DPP10: variants seen among roughly 807,000 people sequenced by gnomAD.
DPP10 encodes the protein dipeptidyl peptidase like 10.
A neutral mutation model predicts 120.9 loss-of-function variants in DPP10; 33 were observed. That is an observed-to-expected ratio of 0.27 (90% CI 0.21 to 0.37). DPP10 has a LOEUF of 0.37. DPP10 is among the 10% of genes least tolerant of loss of function. The pLI is 1.00. For missense variants in DPP10, 816 were observed against 942.8 expected, an observed-to-expected ratio of 0.87 and a Z score of 1.76; for synonymous variants, 337 against 326.1, an observed-to-expected ratio of 1.03 and a Z score of -0.36.
At chr2:115,617,289 T>TATATATATATAC (rs67359999) in intron 5 of DPP10, among the ~76,000 whole-genome samples, 15,946 of 135,790 alleles carry the variant, frequency 0.12, 1,203 homozygotes, top group Non-Finnish European at 0.15. Context: ...TATATATATA[T>TATATATATATAC]ACACACATAG....
rs371654066 is a variant in DPP10, at chr2:115,016,666, AAAC to A, written c.61-292569_61-292567del. Among the ~76,000 whole-genome samples the A allele has an allele frequency of 9.7e-4, 147 of 152,186 alleles. 3 individuals carry two copies. Among genetic ancestry groups the A allele is most frequent in the African/African-American group, 3.4e-3 (141 of 41,548 alleles). ...CTCAAACAAATTTACAAGAAAAAAA[AAAC>A]AACCCATCAACAAGTGGGCAAAGGA... On this transcript the variant is annotated intron_variant, in intron 1 of 25. Transcript: ENST00000410059.
chr2:115,827,507 C>T (rs1688496923), intron 21 of DPP10, among the ~76,000 whole-genome samples: 2 of 143,848 alleles, frequency 1.4e-5, no homozygotes, highest in Admixed American at 7.0e-5. Flanking sequence ...AGTTGTCATA[C>T]ATTTTATGCT....
chr2:115,181,064 A>G (rs911093555), intron 1 of DPP10, among the ~76,000 whole-genome samples: 3 of 104,686 alleles, frequency 2.9e-5, no homozygotes, highest in African/African-American at 8.1e-5. Flanking sequence ...CTTAAAAACT[A>G]TCTTCTAATA....
At chr2:115,433,455 A>G (rs1332620984) in intron 3 of DPP10, among the ~76,000 whole-genome samples, 1 of 151,880 alleles carries the variant, frequency 6.6e-6, no homozygotes, top group East Asian at 1.9e-4. Flanking sequence ...ATACATGTAC[A>G]TGTGTGTGTG....
chr2:115,650,656 A>G (rs2087684915), intron 5 of DPP10, among the ~76,000 whole-genome samples: 7 of 151,936 alleles, frequency 4.6e-5, no homozygotes, highest in Admixed American at 4.6e-4. Context: ...GTCCTTTCAC[A>G]TGTGGTCTCT....
intron 1 of DPP10, among the ~76,000 whole-genome samples, chr2:114,802,257 G>A (rs887644375): frequency 6.6e-6 from 1 of 152,032 alleles, no homozygotes; most frequent in African/African-American, 2.4e-5. Context: ...TATAATGAGA[G>A]GGCAGGTATA....
intron 5 of DPP10, among the ~76,000 whole-genome samples, chr2:115,584,951 A>G (rs969625057): frequency 3.9e-4 from 59 of 152,342 alleles, no homozygotes; most frequent in African/African-American, 1.3e-3. Flanking sequence ...AATTTACACT[A>G]TGGGATCTGA....
At chr2:115,753,018 T>C (rs1446490) in intron 10 of DPP10, among the ~76,000 whole-genome samples, 156 bp from the exon 11 acceptor site, 33,745 of 152,072 alleles carry the variant, frequency 0.22, 4,550 homozygotes, top group Admixed American at 0.37. Flanking sequence ...AAAGAGCAGA[T>C]ATCTATTTAT....
chr2:115,060,188 G>A (rs1483505586), intron 1 of DPP10, among the ~76,000 whole-genome samples: 2 of 149,394 alleles, frequency 1.3e-5, no homozygotes, highest in African/African-American at 4.9e-5. Flanking sequence ...ATAGAGGTAG[G>A]TGATAAAGAA....
intron 5 of DPP10, among the ~76,000 whole-genome samples, chr2:115,539,108 A>G (rs964553468): frequency 6.6e-6 from 1 of 151,918 alleles, no homozygotes; most frequent in African/African-American, 2.4e-5. Flanking sequence ...TCAGTGTTCT[A>G]AGGGCTTATT....
In DPP10 at chr2:115,734,218, G is replaced by A. The variant is rs919802448; in HGVS notation, c.698-5521G>A. On this transcript the variant is annotated intron_variant, in intron 8 of 25. Coordinates refer to ENST00000410059, the MANE Select transcript of DPP10 (RefSeq NM_020868.6). ...CGATGCCTCATTTCTCTTGAAAAGC[G>A]TACTCAAATTTGGGTCAGGTTTATT... Among the ~76,000 whole-genome samples, 10 of 152,088 alleles carry A rather than the reference G, an allele frequency of 6.6e-5. No homozygotes were observed. In the East Asian group the frequency reaches 1.5e-3, roughly 24 times the overall value.
intron 5 of DPP10, among the ~76,000 whole-genome samples, chr2:115,664,448 T>A (rs954405680): frequency 2.6e-5 from 4 of 152,096 alleles, no homozygotes; most frequent in African/African-American, 9.7e-5. Context: ...GTTGTTGTAA[T>A]ATTTAGAAAC....
chr2:114,533,121 G>A lies in DPP10; in HGVS notation c.60+90283G>A, dbSNP rs140326017. Among the ~76,000 whole-genome samples the A allele has an allele frequency of 2.0e-5, 3 of 152,296 alleles. No individual in the cohort carries two copies. The East Asian group carries it at 5.8e-4, about 29-fold the overall frequency. On this transcript the variant is annotated intron_variant, in intron 1 of 25. Transcript: ENST00000410059. ...TTATTCTCTGGTAAAAAGTTGGTATGAGGTGTATGTATCATGGCATTGGGC... is the reference window on the plus strand; with the variant it reads ...TTATTCTCTGGTAAAAAGTTGGTATAAGGTGTATGTATCATGGCATTGGGC...
intron 1 of DPP10, among the ~76,000 whole-genome samples, chr2:114,548,120 T>TC (rs1687575342): frequency 6.6e-6 from 1 of 152,178 alleles, no homozygotes; most frequent in Non-Finnish European, 1.5e-5. Flanking sequence ...GCAGGGTTGC[T>TC]TTGAAGATTA....
At chr2:115,097,576 T>C (rs2048464885) in intron 1 of DPP10, among the ~76,000 whole-genome samples, 1 of 152,220 alleles carries the variant, frequency 6.6e-6, no homozygotes, top group Admixed American at 6.5e-5. Flanking sequence ...CTGCCTGTAT[T>C]TGACAGAAAT....
At chr2:115,163,121 A>G (rs2052559111) in intron 1 of DPP10, among the ~76,000 whole-genome samples, 1 of 152,170 alleles carries the variant, frequency 6.6e-6, no homozygotes, top group South Asian at 2.1e-4. Context: ...ACACCCTCCC[A>G]GCTTATTGCT....
At chr2:114,614,094 C>A (rs1200345411) in intron 1 of DPP10, among the ~76,000 whole-genome samples, 1 of 152,066 alleles carries the variant, frequency 6.6e-6, no homozygotes, top group Non-Finnish European at 1.5e-5. Flanking sequence ...ATGTAAAAAA[C>A]CGGCACATTC....
At chr2:115,090,539 G>C (rs1296881603) in intron 1 of DPP10, among the ~76,000 whole-genome samples, 1 of 152,162 alleles carries the variant, frequency 6.6e-6, no homozygotes. Context: ...ACTCTCACAA[G>C]TCTGCTACGT....
intron 1 of DPP10, among the ~76,000 whole-genome samples, chr2:114,535,605 CAT>C (rs1302967762): frequency 6.6e-6 from 1 of 152,174 alleles, no homozygotes; most frequent in Admixed American, 6.5e-5. Flanking sequence ...CTTATCCAAA[CAT>C]TCTCTCAGTT....
Sources: allele counts gnomAD v4.1 joint callset (sites outside exome capture counted in the v4.1 genomes callset), GRCh38; gene constraint gnomAD v4.1.1; transcripts MANE v1.5; gene names NCBI Gene and HGNC (gene_info 2026-07-23, HGNC 2026-07-21).